COL6A6: variants seen among roughly 807,000 people sequenced by gnomAD.
The protein encoded by COL6A6 is collagen type VI alpha 6 chain, also known as collagen alpha-6(VI) chain.
In COL6A6, 183 loss-of-function variants were observed where a neutral mutation model predicts 208.6. That is an observed-to-expected ratio of 0.88 (90% CI 0.78 to 0.99). The LOEUF is 0.99. Ranked by LOEUF, COL6A6 falls within the 50% of genes least tolerant of loss-of-function variation. The pLI, the probability that COL6A6 is intolerant of heterozygous loss-of-function variation, is 0.00. For synonymous variants in COL6A6, 973 were observed against 1,011.8 expected, an observed-to-expected ratio of 0.96 and a Z score of 0.73; for missense variants, 2,816 against 2,815.2, an observed-to-expected ratio of 1.00 and a Z score of -0.01.
intron 18 of COL6A6, among the ~76,000 whole-genome samples, chr3:130,597,352 A>G (rs1415201112): frequency 6.6e-6 from 1 of 152,224 alleles, no homozygotes; most frequent in Non-Finnish European, 1.5e-5. Context: ...TCAGTGTTAT[A>G]AAGTAAATTC....
chr3:130,605,430 G>A (rs762229615), intron 20 of COL6A6, among the ~76,000 whole-genome samples: 4 of 151,540 alleles, frequency 2.6e-5, no homozygotes, highest in Admixed American at 1.3e-4. Flanking sequence ...AGTGTGTTTC[G>A]TGGGTAGTAT....
At chr3:130,664,036 G>T (rs186524336) in intron 35 of COL6A6, among the ~76,000 whole-genome samples, 1 of 152,162 alleles carries the variant, frequency 6.6e-6, no homozygotes, top group Non-Finnish European at 1.5e-5. Context: ...TTCTGATGCT[G>T]GGTATCAAGG....
intron 23 of COL6A6, among the ~76,000 whole-genome samples, chr3:130,616,268 T>A (rs1180213339): frequency 6.6e-6 from 1 of 152,104 alleles, no homozygotes; most frequent in Non-Finnish European, 1.5e-5. Flanking sequence ...TAGAATAACA[T>A]GAGTGCTTTG....
chr3:130,634,591 G>A lies in COL6A6; in HGVS notation c.4994G>A (p.Gly1665Glu). The A allele has an allele frequency of 6.2e-7, 1 of 1,606,420 alleles. No homozygotes were observed. Among genetic ancestry groups the A allele is most frequent in the South Asian group, 1.1e-5 (1 of 89,022 alleles). ...AATCTTTCCTCCTGTCCATTACAGGGACAAGAAGGATTCCCTGGAGAAAGT... is the reference window on the plus strand; with the variant it reads ...AATCTTTCCTCCTGTCCATTACAGGAACAAGAAGGATTCCCTGGAGAAAGT... Reference protein sequence around the residue: ...YGSVGRKGAKGQEGFPGESGP... With the variant: ...YGSVGRKGAKEQEGFPGESGP... The change falls in exon 27 of 37, where the codon GGA becomes GAA. Residue 1665 changes from glycine to glutamate, a missense_variant and splice_region_variant. Coordinates refer to ENST00000358511, the MANE Select transcript of COL6A6 (RefSeq NM_001102608.3).
At position 130,565,166 on chromosome 3, in the gene COL6A6, A is replaced by G. The variant is rs376920399; in HGVS notation, c.834A>G (p.Lys278=). The change falls in exon 4 of 37, where the codon AAA becomes AAG. Residue 278 remains lysine, a synonymous_variant. Coordinates refer to ENST00000358511, the MANE Select transcript of COL6A6 (RefSeq NM_001102608.3). ...TTGTGGCCTATAGCAATGAGACAAA[A>G]GTGATAAATTCACTGAGCATGGGCA... is the stretch of plus-strand genomic sequence containing the variant. ...VGLVAYSNET[K]VINSLSMGIN... is the part of the protein sequence containing the mutation. 8.7e-6 allele frequency: 14 copies of G among 1,614,038 alleles called. No individual in the cohort carries two copies. The South Asian group carries it at 1.5e-4, about 18-fold the overall frequency.
rs1315426634 is a variant in COL6A6 at position 130,581,712 on chromosome 3, A to G, written c.3699A>G (p.Thr1233=). The G allele has an allele frequency of 3.1e-6, 5 of 1,614,022 alleles. No individual in the cohort carries two copies. The highest frequency in any genetic ancestry group is 2.2e-5 in the East Asian group (1 of 44,886). The part of the protein sequence containing the change: ...SLNGVSCEVG[T]ETQVSVAFQV... Reference sequence around the variant, plus strand: ...ATGGAGTAAGCTGTGAGGTGGGCACAGAGACTCAGGTCAGTGTGGCTTTTC... The same window carrying G: ...ATGGAGTAAGCTGTGAGGTGGGCACGGAGACTCAGGTCAGTGTGGCTTTTC... Residue 1233 remains threonine (T), a synonymous_variant, in exon 9 of 37, where the codon ACA becomes ACG. Transcript: ENST00000358511.
In COL6A6 at chr3:130,535,564, AT is replaced by A. The variant is rs1349884936; in HGVS notation, c.-32+18173del. ...TTCTTTTTTTTTTTCCATAGTTGTAATTTTTTCTGCGCTCATCTTCAGCAGT... is the reference window on the plus strand; with the variant it reads ...TTCTTTTTTTTTTTCCATAGTTGTAATTTTTCTGCGCTCATCTTCAGCAGT... On this transcript the variant is annotated intron_variant, in intron 1 of 36. Coordinates refer to ENST00000358511, the MANE Select transcript of COL6A6 (RefSeq NM_001102608.3). Among the ~76,000 whole-genome samples the A allele has an allele frequency of 2.7e-5, 4 of 149,620 alleles. No individual in the cohort carries two copies. The East Asian group carries it at 5.8e-4, about 22-fold the overall frequency.
At chr3:130,555,920 T>G (rs1198236520) in intron 1 of COL6A6, among the ~76,000 whole-genome samples, 2 of 151,568 alleles carry the variant, frequency 1.3e-5, no homozygotes, top group Non-Finnish European at 2.9e-5. Flanking sequence ...ACAAATGCAG[T>G]TTTTTTTTAA....
intron 23 of COL6A6, among the ~76,000 whole-genome samples, chr3:130,613,244 C>T (rs2064413985): frequency 6.6e-6 from 1 of 152,098 alleles, no homozygotes; most frequent in Admixed American, 6.6e-5. Flanking sequence ...CTAGCCAGTT[C>T]TCCCAGTACC....
chr3:130,616,878 A>G (rs2064545301), intron 23 of COL6A6, among the ~76,000 whole-genome samples: 1 of 152,112 alleles, frequency 6.6e-6, no homozygotes, highest in Non-Finnish European at 1.5e-5. Flanking sequence ...TTTTACTGTA[A>G]TTATAAGGAT....
intron 20 of COL6A6, among the ~76,000 whole-genome samples, chr3:130,600,853 A>G (rs2063993254): frequency 6.6e-6 from 1 of 152,208 alleles, no homozygotes; most frequent in South Asian, 2.1e-4. Context: ...CTGCACTTGT[A>G]TCCTGGAACT....
chr3:130,574,618 A>C, intron 8 of COL6A6, 93 bp downstream of exon 8: 1 of 1,005,444 alleles, frequency 9.9e-7, no homozygotes, highest in Non-Finnish European at 1.5e-6. Context: ...GGCTAGTGGG[A>C]GAATTTAGAT....
intron 24 of COL6A6, among the ~76,000 whole-genome samples, chr3:130,623,350 C>T (rs770833976): frequency 6.6e-6 from 1 of 151,988 alleles, no homozygotes; most frequent in African/African-American, 2.4e-5. Context: ...CCCAGCTACT[C>T]GGGAGGCTAA....
At chr3:130,549,043 T>C (rs1287958584) in intron 1 of COL6A6, among the ~76,000 whole-genome samples, 2 of 152,256 alleles carry the variant, frequency 1.3e-5, no homozygotes, top group Non-Finnish European at 2.9e-5. Context: ...AAAATATAAT[T>C]TTATCGCATT....
chr3:130,641,156 G>A (rs1451502390), intron 28 of COL6A6, among the ~76,000 whole-genome samples: 2 of 151,090 alleles, frequency 1.3e-5, no homozygotes, highest in Admixed American at 6.6e-5. Flanking sequence ...GGTGGGTGGG[G>A]GTCCTATTAC....
intron 1 of COL6A6, among the ~76,000 whole-genome samples, chr3:130,546,291 G>GT (rs1054379432): frequency 6.6e-6 from 1 of 151,962 alleles, no homozygotes; most frequent in Non-Finnish European, 1.5e-5. Flanking sequence ...AGACCTTCGC[G>GT]ATGAGTGTTA....
At chr3:130,640,898 T>A (rs1310236975) in intron 28 of COL6A6, among the ~76,000 whole-genome samples, 1 of 152,208 alleles carries the variant, frequency 6.6e-6, no homozygotes, top group Non-Finnish European at 1.5e-5. Context: ...TACCTACCAC[T>A]CCATTTAGAT....
At chr3:130,645,760 T>G (rs1320872178) in intron 32 of COL6A6, among the ~76,000 whole-genome samples, 2 of 152,238 alleles carry the variant, frequency 1.3e-5, no homozygotes, top group African/African-American at 4.8e-5. Flanking sequence ...TAATGTTAAT[T>G]ATCAAGTTGG....
chr3:130,668,360 C>T, intron 36 of COL6A6, among the ~76,000 whole-genome samples: 1 of 152,066 alleles, frequency 6.6e-6, no homozygotes, highest in Non-Finnish European at 1.5e-5. Context: ...CATCTGTAAT[C>T]CCAGCTACTC....
Sources: gnomAD v4.1 joint callset for allele counts (sites outside exome capture counted in the v4.1 genomes callset) on GRCh38, gnomAD v4.1.1 for gene constraint, MANE v1.5 for transcripts, NCBI Gene and HGNC (gene_info 2026-07-23, HGNC 2026-07-21) for gene names.